Variants in ATP2B2 observed in about 807,000 individuals in gnomAD.
The protein encoded by ATP2B2 is plasma membrane calcium-transporting ATPase 2.
A neutral mutation model predicts 120.0 loss-of-function variants in ATP2B2; 15 were observed. That is an observed-to-expected ratio of 0.12 (90% CI 0.08 to 0.19). The LOEUF (loss-of-function observed/expected upper bound fraction) is 0.19, where lower values mean the gene tolerates loss of function less well. Ranked by LOEUF, ATP2B2 falls within the 10% of genes least tolerant of loss-of-function variation. ATP2B2 has a pLI of 1.00. For synonymous variants in ATP2B2, 694 were observed against 700.3 expected (o/e 0.99, Z 0.14); for missense variants, 1,045 against 1,719.8 (o/e 0.61, Z 6.94).
intron 2 of ATP2B2, among the ~76,000 whole-genome samples, chr3:10,563,452 G>A (rs1463434114): frequency 6.6e-6 from 1 of 152,240 alleles, no homozygotes; most frequent in Non-Finnish European, 1.5e-5. Flanking sequence ...ATGTTATGTG[G>A]CTTTCCCCCT....
chr3:10,477,080 AG>A (rs1421125950), intron 1 of ATP2B2, among the ~76,000 whole-genome samples: 2 of 152,168 alleles, frequency 1.3e-5, no homozygotes, highest in Admixed American at 1.3e-4. Flanking sequence ...TGAAATAAGG[AG>A]CCTAATGTGT....
intron 2 of ATP2B2, among the ~76,000 whole-genome samples, chr3:10,548,036 T>C: frequency 6.6e-6 from 1 of 152,144 alleles, no homozygotes; most frequent in South Asian, 2.1e-4. Context: ...GTCACAAACA[T>C]TGGAGGGCTG....
At chr3:10,338,135 CCCGG>C in intron 22 of ATP2B2, 37 bp downstream of exon 22, 1 of 1,612,202 alleles carries the variant, frequency 6.2e-7, no homozygotes, top group Non-Finnish European at 8.5e-7. Context: ...CCTGGCCCGC[CCCGG>C]CCAGGCCTGG....
intron 1 of ATP2B2, among the ~76,000 whole-genome samples, chr3:10,624,904 G>C (rs1401813837): frequency 6.6e-6 from 1 of 152,134 alleles, no homozygotes; most frequent in Non-Finnish European, 1.5e-5. Flanking sequence ...GGGGGTGGGG[G>C]CTTGGTGGTG....
At chr3:10,684,830 C>T (rs1049179563) in intron 1 of ATP2B2, among the ~76,000 whole-genome samples, 1 of 152,102 alleles carries the variant, frequency 6.6e-6, no homozygotes, top group Non-Finnish European at 1.5e-5. Context: ...GTGATCTTTG[C>T]CAATTGGATG....
chr3:10,335,113 G>A (rs1301846796), intron 22 of ATP2B2, among the ~76,000 whole-genome samples: 2 of 152,230 alleles, frequency 1.3e-5, no homozygotes, highest in South Asian at 2.1e-4. Context: ...GGTGGCATGA[G>A]GAGATGAGCT....
intron 2 of ATP2B2, among the ~76,000 whole-genome samples, chr3:10,536,398 CCTCTTCTTCTTCTTCTGCTT>C (rs1409773924): frequency 3.5e-5 from 5 of 143,264 alleles, no homozygotes; most frequent in Admixed American, 1.4e-4. Context: ...GATTTGCTTT[CCTCTTCTTCTTCTTCTGCTT>C]CTCTTCTTCT....
At chr3:10,470,732 C>A (rs2064949499) in intron 1 of ATP2B2, among the ~76,000 whole-genome samples, 1 of 152,152 alleles carries the variant, frequency 6.6e-6, no homozygotes, top group African/African-American at 2.4e-5. Context: ...TCAGCTTCCT[C>A]CAGCGTGGTG....
chr3:10,486,854 G>A (rs1176448312), intron 1 of ATP2B2, among the ~76,000 whole-genome samples: 1 of 151,994 alleles, frequency 6.6e-6, no homozygotes, highest in Non-Finnish European at 1.5e-5. Flanking sequence ...TGAGTAGCTG[G>A]GACTACAGGT....
chr3:10,412,573 G>T (rs2062648486), intron 2 of ATP2B2, among the ~76,000 whole-genome samples: 1 of 152,108 alleles, frequency 6.6e-6, no homozygotes, highest in South Asian at 2.1e-4. Context: ...CCCCTCTCAA[G>T]GGCTGAGCAG....
chr3:10,342,616 T>G lies in ATP2B2; in HGVS notation c.2917+136A>C. 1 of 1,069,900 alleles carries G rather than the reference T, an allele frequency of 9.3e-7. No individual in the cohort carries two copies. Among genetic ancestry groups the G allele is most frequent in the Non-Finnish European group, 1.4e-6 (1 of 720,344 alleles). The allele number at this position is 1,069,900 out of a possible 1,614,324, so 66.3% of individuals were successfully genotyped here. A position where few individuals can be genotyped will look rare whatever the true frequency, so the allele number is the denominator to read the frequency against. On this transcript the variant is annotated intron_variant, in intron 19 of 22. Coordinates refer to ENST00000360273, the MANE Select transcript of ATP2B2 (RefSeq NM_001001331.4). This position sits in a 1 kb window ranked among gnomAD's most constrained non-coding sequence, Gnocchi z 4.4. ...CTGGTGTGACCTTGGGCAACTTACT[T>G]GACCTCCCTGGGCCTCAATTTCCCC...
At chr3:10,548,510 T>C (rs528005047) in intron 2 of ATP2B2, among the ~76,000 whole-genome samples, 2 of 152,290 alleles carry the variant, frequency 1.3e-5, no homozygotes, top group East Asian at 1.9e-4. Context: ...TAATGATTGA[T>C]GGGTGTTGGC....
At chr3:10,410,033 G>A (rs778133336) in intron 3 of ATP2B2, among the ~76,000 whole-genome samples, 5 of 152,112 alleles carry the variant, frequency 3.3e-5, no homozygotes, top group Non-Finnish European at 5.9e-5. Flanking sequence ...CTTAGGATGG[G>A]GCCTGACAAC....
chr3:10,527,667 G>C lies in ATP2B2; in HGVS notation c.-320+6372C>G, dbSNP rs540421990. On this transcript the variant is annotated intron_variant, in intron 3 of 21. Coordinates refer to the ATP2B2 transcript ENST00000646379. The stretch of plus-strand genomic sequence containing the variant: ...TACCTCCCCACCACTGCCCTGCCCT[G>C]AACTGGAGACCCAGGCTTCTGAGGA... Among the ~76,000 whole-genome samples, 3 of 152,330 alleles carry C rather than the reference G, an allele frequency of 2.0e-5. No individual in the cohort carries two copies. The East Asian group carries it at 5.8e-4, about 29-fold the overall frequency.
rs767698970 is a variant in ATP2B2 at position 10,328,823 on chromosome 3, C to T, written c.3723G>A (p.Thr1241=). ...SPGSPIHSLE[T]SL Reference sequence around the variant, plus strand: ...GCGAGAGGGTCCTCAGCTAAAGCGACGTCTCCAGGCTGTGGATGGGGCTCC... The same window carrying T: ...GCGAGAGGGTCCTCAGCTAAAGCGATGTCTCCAGGCTGTGGATGGGGCTCC... Residue 1241 remains threonine, a synonymous_variant, in exon 23 of 23, where the codon ACG becomes ACA. Transcript: ENST00000360273. 84 of 1,607,490 alleles carry T rather than the reference C, an allele frequency of 5.2e-5. 1 individual carries two copies. The highest frequency in any genetic ancestry group is 4.4e-4 in the South Asian group (40 of 90,858).
At chr3:10,395,100 C>T (rs564671922) in intron 5 of ATP2B2, among the ~76,000 whole-genome samples, 6 of 152,324 alleles carry the variant, frequency 3.9e-5, no homozygotes, top group African/African-American at 1.2e-4. Flanking sequence ...CTCTAGGGAT[C>T]ATTGAATCCC....
intron 1 of ATP2B2, among the ~76,000 whole-genome samples, chr3:10,486,485 C>T (rs1322463013): frequency 6.6e-6 from 1 of 152,072 alleles, no homozygotes; most frequent in East Asian, 1.9e-4. Flanking sequence ...CTCCCCTTCA[C>T]ACATTTTGCT....
chr3:10,683,543 AC>A (rs2071432789), intron 1 of ATP2B2, among the ~76,000 whole-genome samples: 1 of 151,710 alleles, frequency 6.6e-6, no homozygotes, highest in Admixed American at 6.6e-5. Context: ...CAAGAGAGGC[AC>A]CAGATCAGTT....
At chr3:10,675,839 C>T (rs1399298626) in intron 1 of ATP2B2, among the ~76,000 whole-genome samples, 1 of 152,222 alleles carries the variant, frequency 6.6e-6, no homozygotes, top group East Asian at 1.9e-4. Context: ...GCCTGCAATG[C>T]CCTTTCCCCA....
Sources: allele counts gnomAD v4.1 joint callset (sites outside exome capture counted in the v4.1 genomes callset), GRCh38; gene constraint gnomAD v4.1.1; non-coding constraint Gnocchi (gnomAD v3.1); transcripts MANE v1.5; gene names NCBI Gene and HGNC (gene_info 2026-07-23, HGNC 2026-07-21).